Variants in RAB39A observed in about 807,000 individuals in gnomAD.
RAB39A encodes RAB39A, member RAS oncogene family.
A neutral mutation model predicts 20.9 loss-of-function variants in RAB39A; 17 were observed. That is an observed-to-expected ratio of 0.81 (90% CI 0.56 to 1.22). RAB39A has a LOEUF of 1.22. Ranked by LOEUF, RAB39A falls within the 50% of genes most tolerant of loss-of-function variation. The pLI is 0.00. For missense variants in RAB39A, 234 were observed against 270.5 expected (o/e 0.87, Z 0.95); for synonymous variants, 99 against 103.4 (o/e 0.96, Z 0.26).
chr11:107,942,789 T>TGG (rs575353248), intron 1 of RAB39A, among the ~76,000 whole-genome samples: 1 of 151,916 alleles, frequency 6.6e-6, no homozygotes, highest in Non-Finnish European at 1.5e-5. Flanking sequence ...GCATGTTGTA[T>TGG]GGGGTGTGTG....
intron 1 of RAB39A, among the ~76,000 whole-genome samples, chr11:107,946,531 GGCGCTA>G (rs1260978715): frequency 8.0e-6 from 1 of 125,094 alleles, no homozygotes; most frequent in Non-Finnish European, 1.6e-5. Flanking sequence ...GGAGTGCAGT[GGCGCTA>G]TCTCAGCTTG....
At chr11:107,937,384 C>T (rs1861205699) in intron 1 of RAB39A, among the ~76,000 whole-genome samples, 1 of 152,128 alleles carries the variant, frequency 6.6e-6, no homozygotes, top group Admixed American at 6.5e-5. Flanking sequence ...AAGTGATCCT[C>T]CCTCCTTGGC....
chr11:107,954,939 C>T (rs1020778205), intron 1 of RAB39A, among the ~76,000 whole-genome samples: 6 of 148,812 alleles, frequency 4.0e-5, no homozygotes, highest in African/African-American at 1.5e-4. Flanking sequence ...AGTTATAAGC[C>T]AAGAATTATT....
intron 1 of RAB39A, among the ~76,000 whole-genome samples, chr11:107,945,318 C>CAAAAAAAAAAAA (rs33940061): frequency 2.3e-5 from 2 of 87,448 alleles, no homozygotes; most frequent in Admixed American, 1.4e-4. Flanking sequence ...CCCGTCTCTA[C>CAAAAAAAAAAAA]AAAAAAAAAA....
chr11:107,957,934 C>A (rs1861454424), intron 1 of RAB39A, among the ~76,000 whole-genome samples: 1 of 151,826 alleles, frequency 6.6e-6, no homozygotes, highest in Non-Finnish European at 1.5e-5. Context: ...CTCTGTCGCC[C>A]AGGCTGGAGT....
chr11:107,958,852 G>C (rs1041034724), intron 1 of RAB39A, among the ~76,000 whole-genome samples: 7 of 152,116 alleles, frequency 4.6e-5, no homozygotes, highest in Non-Finnish European at 7.4e-5. Flanking sequence ...GGGCGCGGTG[G>C]CTCATGCCTG....
At chr11:107,954,633 A>G (rs1047472440) in intron 1 of RAB39A, among the ~76,000 whole-genome samples, 1 of 152,198 alleles carries the variant, frequency 6.6e-6, no homozygotes, top group Non-Finnish European at 1.5e-5. Context: ...TGATGCCAGC[A>G]TATTGTTTAG....
intron 1 of RAB39A, among the ~76,000 whole-genome samples, chr11:107,960,200 A>G (rs1044729889): frequency 4.2e-5 from 6 of 142,352 alleles, no homozygotes; most frequent in African/African-American, 1.6e-4. Flanking sequence ...ACAGAGCAAG[A>G]CTCCATCTCA....
chr11:107,949,908 C>T (rs1203809140), intron 1 of RAB39A, among the ~76,000 whole-genome samples: 1 of 152,024 alleles, frequency 6.6e-6, no homozygotes, highest in Non-Finnish European at 1.5e-5. Flanking sequence ...CGCGGTGGCT[C>T]ACACCTGTAA....
intron 1 of RAB39A, among the ~76,000 whole-genome samples, chr11:107,938,564 T>TTA (rs544720923): frequency 2.1e-3 from 197 of 95,234 alleles, no homozygotes; most frequent in African/African-American, 7.8e-3. Context: ...ACCTCGTCTA[T>TTA]AAAAAAAAAA....
At chr11:107,944,665 G>A (rs758048965) in intron 1 of RAB39A, among the ~76,000 whole-genome samples, 20 of 151,982 alleles carry the variant, frequency 1.3e-4, no homozygotes, top group Non-Finnish European at 2.9e-4. Flanking sequence ...GATTATAGCC[G>A]TGAGCCACCG....
In RAB39A at chr11:107,928,613, G is replaced by A; in HGVS notation, c.45G>A (p.Gly15=). ...ACCAGTTCCGCCTCATCGTGATCGG[G>A]GACTCCACCGTGGGCAAGTCCTGCC... ...WIYQFRLIVI[G]DSTVGKSCLL... The change falls in exon 1 of 2, where the codon GGG becomes GGA. Residue 15 remains glycine (G), a synonymous_variant. Coordinates refer to ENST00000320578, the MANE Select transcript of RAB39A (RefSeq NM_017516.3). The surrounding 1 kb of genome is among the most constrained non-coding windows in gnomAD (Gnocchi z 4.9). The A allele has an allele frequency of 6.3e-7, 1 of 1,596,094 alleles. No individual in the cohort carries two copies. Among genetic ancestry groups the A allele is most frequent in the Non-Finnish European group, 8.6e-7 (1 of 1,166,882 alleles).
At chr11:107,947,807 C>CAAAAAAAAAAAAAAAAAAAA (rs35694249) in intron 1 of RAB39A, among the ~76,000 whole-genome samples, 2 of 80,222 alleles carry the variant, frequency 2.5e-5, no homozygotes, top group Non-Finnish European at 4.3e-5. Context: ...CATCAACAGG[C>CAAAAAAAAAAAAAAAAAAAA]AAAAAAAAAA....
intron 1 of RAB39A, among the ~76,000 whole-genome samples, chr11:107,932,270 A>G (rs1861145637): frequency 1.3e-5 from 2 of 152,232 alleles, no homozygotes; most frequent in Admixed American, 1.3e-4. Flanking sequence ...AATAATGTAT[A>G]TGTGAACATA....
rs1861109514 is a variant in RAB39A, at chr11:107,928,840, C to T, written c.227+45C>T. On this transcript the variant is annotated intron_variant, in intron 1 of 1. Coordinates refer to ENST00000320578, the MANE Select transcript of RAB39A (RefSeq NM_017516.3). This position sits in a 1 kb window ranked among gnomAD's most constrained non-coding sequence, Gnocchi z 4.9. ...TGGGCACCGCGCCGCCCCCTCAGCCCGCCCGGACGCCCCTTCCCCAGGCGT... is the reference window on the plus strand; with the variant it reads ...TGGGCACCGCGCCGCCCCCTCAGCCTGCCCGGACGCCCCTTCCCCAGGCGT... 7.0e-7 allele frequency: 1 copy of T among 1,431,256 alleles called. No individual in the cohort carries two copies. The highest frequency in any genetic ancestry group is 9.4e-7 in the Non-Finnish European group (1 of 1,066,858). The allele number at this position is 1,431,256 out of a possible 1,614,324, so 88.7% of individuals were successfully genotyped here.
chr11:107,943,818 G>A (rs753171026), intron 1 of RAB39A, among the ~76,000 whole-genome samples: 111 of 152,098 alleles, frequency 7.3e-4, no homozygotes, highest in Non-Finnish European at 1.2e-3. Context: ...CCAGAGGCTG[G>A]GTGCAGTGGC....
intron 1 of RAB39A, among the ~76,000 whole-genome samples, chr11:107,939,243 CAAAAAAA>C (rs138488479): frequency 2.9e-5 from 2 of 68,570 alleles, no homozygotes; most frequent in African/African-American, 5.6e-5. Context: ...GACTCTGTCT[CAAAAAAA>C]AAAAAAAAAA....
intron 1 of RAB39A, among the ~76,000 whole-genome samples, chr11:107,960,366 G>A (rs1861483447): frequency 6.6e-6 from 1 of 152,176 alleles, no homozygotes; most frequent in Non-Finnish European, 1.5e-5. Context: ...ACTATAAGAA[G>A]AGTACCTAAG....
At chr11:107,951,781 G>A (rs1475138468) in intron 1 of RAB39A, among the ~76,000 whole-genome samples, 3 of 151,806 alleles carry the variant, frequency 2.0e-5, no homozygotes, top group East Asian at 1.9e-4. Flanking sequence ...CACTGTGTCC[G>A]GCATCTACTA....
Sources: allele counts gnomAD v4.1 joint callset (sites outside exome capture counted in the v4.1 genomes callset), GRCh38; gene constraint gnomAD v4.1.1; non-coding constraint Gnocchi (gnomAD v3.1); transcripts MANE v1.5; gene names NCBI Gene and HGNC (gene_info 2026-07-23, HGNC 2026-07-21).